CD8B: variants seen among roughly 807,000 people sequenced by gnomAD.
The protein encoded by CD8B is T-cell surface glycoprotein CD8 beta chain.
CD8B carries 6 observed loss-of-function variants against 24.2 expected under a neutral mutation model. The ratio of observed to expected loss-of-function variants is 0.25; its 90% CI spans 0.14 to 0.49. The LOEUF is 0.49. CD8B is among the 20% of genes least tolerant of loss of function. The pLI, the probability that CD8B is intolerant of heterozygous loss-of-function variation, is 0.98. For missense variants in CD8B, 196 were observed against 271.3 expected, an observed-to-expected ratio of 0.72 and a Z score of 1.95; for synonymous variants, 84 against 108.3, an observed-to-expected ratio of 0.78 and a Z score of 1.39.
At chr2:86,815,823 ATGT>A (rs1248373439) in intron 5 of CD8B, 23 of 723,098 alleles carry the variant, frequency 3.2e-5, no homozygotes, top group African/African-American at 3.0e-4. Flanking sequence ...GTCGAGTCAG[ATGT>A]TGTGTCAAAT....
At chr2:86,817,160 T>C (rs1674284284) in intron 5 of CD8B, among the ~76,000 whole-genome samples, 1 of 152,094 alleles carries the variant, frequency 6.6e-6, no homozygotes, top group African/African-American at 2.4e-5. Context: ...ACATCAAGCA[T>C]GAGGGAGGAT....
downstream of CD8B, among the ~76,000 whole-genome samples, chr2:86,834,578 C>G (rs1442080678): frequency 2.6e-5 from 4 of 151,960 alleles, no homozygotes; most frequent in African/African-American, 2.4e-5. Context: ...TGACCAGGCT[C>G]AAACGTGGGA....
chr2:86,822,782 C>T lies in CD8B; in HGVS notation c.621-7064G>A, dbSNP rs144176016. Among the ~76,000 whole-genome samples the T allele has an allele frequency of 5.9e-5, 9 of 152,294 alleles. No homozygotes were observed. In the East Asian group the frequency reaches 1.7e-3, roughly 29 times the overall value. ...CAATGTTCAGTGCAAAGCCACACTC[C>T]ACTCCAGGGATGGCCTTCAGCACTG... On this transcript the variant is annotated intron_variant, in intron 5 of 5. Coordinates refer to the CD8B transcript ENST00000331469.
Position 86,841,664 on chromosome 2 carries a change from C to G in CD8B, c.*643G>C. 1.0e-6 allele frequency: 1 copy of G among 984,774 alleles called. No individual in the cohort carries two copies. The highest frequency in any genetic ancestry group is 1.2e-6 in the Non-Finnish European group (1 of 829,416). 61.0% of individuals were successfully genotyped at this position (984,774 alleles called of 1,614,324 possible). On this transcript the variant is annotated 3_prime_UTR_variant, in exon 6 of 6. Transcript: ENST00000390655. ...ACAGAAAATGAAAGAAGCATTAAGC[C>G]ATGGGAGAGTAGAAATGGGAGCTGA...
At position 86,840,796 on chromosome 2, in the gene CD8B, TGC is replaced by T. The variant is rs1251924708; in HGVS notation, c.*1509_*1510del. 6.6e-6 allele frequency among the ~76,000 whole-genome samples: 1 copy of T among 152,146 alleles called. No individual in the cohort carries two copies. Among genetic ancestry groups the T allele is most frequent in the African/African-American group, 2.4e-5 (1 of 41,432 alleles). On this transcript the variant is annotated 3_prime_UTR_variant, in exon 6 of 6. Transcript: ENST00000390655. ...CCTCCTTCCGGTAACACTGCATCTA[TGC>T]CTTTCTAACTCCACCCACCACACCT...
intron 5 of CD8B, among the ~76,000 whole-genome samples, chr2:86,819,209 T>C (rs1338038018): frequency 6.6e-6 from 1 of 152,204 alleles, no homozygotes; most frequent in Non-Finnish European, 1.5e-5. Context: ...GGTGCTAATA[T>C]AGAAACTAAT....
intron 3 of CD8B, among the ~76,000 whole-genome samples, chr2:86,849,123 C>G (rs1228608641): frequency 1.3e-5 from 2 of 152,282 alleles, no homozygotes; most frequent in African/African-American, 4.8e-5. Flanking sequence ...AAGGCAGGAC[C>G]AGGGTGTGGA....
intron 3 of CD8B, among the ~76,000 whole-genome samples, chr2:86,849,064 C>T (rs1383947461): frequency 2.6e-5 from 4 of 152,170 alleles, no homozygotes; most frequent in Admixed American, 6.5e-5. Flanking sequence ...ACAAAAACAA[C>T]AAGATTCAAA....
chr2:86,855,185 T>C (rs1676175518), intron 2 of CD8B, among the ~76,000 whole-genome samples: 1 of 152,202 alleles, frequency 6.6e-6, no homozygotes, highest in Non-Finnish European at 1.5e-5. Context: ...TCAGTCATTT[T>C]TGGGCTGGCA....
At chr2:86,815,851 G>A (rs919936827) in intron 5 of CD8B, 1 of 675,254 alleles carries the variant, frequency 1.5e-6, no homozygotes, top group Non-Finnish European at 2.7e-6. Flanking sequence ...CACAGAAAGA[G>A]CCAGGCATAT....
At chr2:86,826,968 C>G (rs1322299446) in intron 5 of CD8B, among the ~76,000 whole-genome samples, 1 of 151,948 alleles carries the variant, frequency 6.6e-6, no homozygotes, top group Non-Finnish European at 1.5e-5. Flanking sequence ...ATTATAGGCA[C>G]CTGCCACCAC....
At chr2:86,824,100 C>G (rs1439788612) in intron 5 of CD8B, among the ~76,000 whole-genome samples, 1 of 151,330 alleles carries the variant, frequency 6.6e-6, no homozygotes, top group Non-Finnish European at 1.5e-5. Flanking sequence ...AGCAGGGACC[C>G]TCTTCTCCCT....
At chr2:86,834,488 A>ACACG (rs199775749), downstream of CD8B, among the ~76,000 whole-genome samples, 1 of 142,186 alleles carries the variant, frequency 7.0e-6, no homozygotes, top group South Asian at 2.2e-4. Context: ...ACACACACAC[A>ACACG]AAAGTCTTAA....
At chr2:86,861,282 C>G (rs1012902007) in intron 1 of CD8B, among the ~76,000 whole-genome samples, 8 of 152,102 alleles carry the variant, frequency 5.3e-5, no homozygotes, top group Non-Finnish European at 1.2e-4. Flanking sequence ...TAGGGAGCCA[C>G]GCTACCCATG....
intron 5 of CD8B, among the ~76,000 whole-genome samples, 187 bp from the exon 6 acceptor site, chr2:86,842,506 C>G (rs1262976221): frequency 6.6e-6 from 1 of 152,120 alleles, no homozygotes; most frequent in Non-Finnish European, 1.5e-5. Context: ...GGCTAAAAAA[C>G]AAAACAAAAC....
chr2:86,851,091 A>G (rs574271769), intron 3 of CD8B, among the ~76,000 whole-genome samples: 1,940 of 93,834 alleles, frequency 0.021, 48 homozygotes, highest in African/African-American at 0.068. Flanking sequence ...ACTCCATTTC[A>G]AAAAAAAAAA....
chr2:86,856,655 G>C (rs1437841454), intron 2 of CD8B, among the ~76,000 whole-genome samples: 3 of 151,758 alleles, frequency 2.0e-5, no homozygotes, highest in Non-Finnish European at 4.4e-5. Flanking sequence ...CCTGGAGGGG[G>C]TTGGCTCCAG....
At chr2:86,836,690 A>T (rs1342273075), downstream of CD8B, among the ~76,000 whole-genome samples, 1 of 152,092 alleles carries the variant, frequency 6.6e-6, no homozygotes, top group African/African-American at 2.4e-5. Context: ...TGCTTGAGTC[A>T]GGGAGGTCAA....
At chr2:86,832,831 T>C (rs1674954900) in intron 5 of CD8B, among the ~76,000 whole-genome samples, 1 of 152,068 alleles carries the variant, frequency 6.6e-6, no homozygotes, top group Non-Finnish European at 1.5e-5. Flanking sequence ...GAGGAATACT[T>C]TTGTTTTGAT....
Sources: allele counts gnomAD v4.1 joint callset (sites outside exome capture counted in the v4.1 genomes callset), GRCh38; gene constraint gnomAD v4.1.1; transcripts MANE v1.5; gene names NCBI Gene and HGNC (gene_info 2026-07-23, HGNC 2026-07-21).